Variants in F3 observed in about 807,000 individuals in gnomAD.
The protein encoded by F3 is coagulation factor III, tissue factor.
F3 carries 18 observed loss-of-function variants against 33.5 expected under a neutral mutation model. That is an observed-to-expected ratio of 0.54 (90% CI 0.37 to 0.80). The LOEUF is 0.80. Among genes scored for constraint, F3 ranks in the 30% least tolerant of loss-of-function variants. F3 has a pLI of 0.00. For missense variants in F3, 353 were observed against 362.1 expected, an observed-to-expected ratio of 0.97 and a Z score of 0.20; for synonymous variants, 147 against 140.7, an observed-to-expected ratio of 1.05 and a Z score of -0.32.
Position 94,541,748 on chromosome 1 carries a change from G to C in F3, c.-112C>G. 1 of 567,670 alleles carries C rather than the reference G, an allele frequency of 1.8e-6. No individual in the cohort carries two copies. The highest frequency in any genetic ancestry group is 2.7e-6 in the Non-Finnish European group (1 of 370,866). The allele number at this position is 567,670 out of a possible 1,614,324, so 35.2% of individuals were successfully genotyped here. On this transcript the variant is annotated 5_prime_UTR_variant, in exon 1 of 6. Coordinates refer to ENST00000334047, the MANE Select transcript of F3 (RefSeq NM_001993.5). ...GAGGGAGTGCGAGGGGGTGCGGGGA[G>C]CTCGCAGTCTTGGGGAGCCGGTGCC...
chr1:94,540,596 G>T lies in F3; in HGVS notation c.101-228C>A, dbSNP rs75288898. ...CCTTGTAATCCCAGGACACCGGCAAGGATCTTGACATTTTCGTTTGAAATT... is the reference window on the plus strand; with the variant it reads ...CCTTGTAATCCCAGGACACCGGCAATGATCTTGACATTTTCGTTTGAAATT... On this transcript the variant is annotated intron_variant, in intron 1 of 5. Coordinates refer to ENST00000334047, the MANE Select transcript of F3 (RefSeq NM_001993.5). 6.9e-3 allele frequency: 3,182 copies of T among 463,880 alleles called. 18 individuals are homozygous for T. Among genetic ancestry groups the T allele is most frequent in the Non-Finnish European group, 0.011 (2,754 of 261,908 alleles). 28.7% of individuals were successfully genotyped at this position (463,880 alleles called of 1,614,324 possible).
rs1651791208 is a variant in F3, at chr1:94,541,640, T to C, written c.-4A>G. The C allele has an allele frequency of 7.1e-7, 1 of 1,400,528 alleles. No homozygotes were observed. Among genetic ancestry groups the C allele is most frequent in the African/African-American group, 1.5e-5 (1 of 67,044 alleles). The allele number at this position is 1,400,528 out of a possible 1,614,324, so 86.8% of individuals were successfully genotyped here. On this transcript the variant is annotated 5_prime_UTR_variant, in exon 1 of 6. Coordinates refer to ENST00000334047, the MANE Select transcript of F3 (RefSeq NM_001993.5). ...GGGGCCAGGCAGGGGTCTCCATGTC[T>C]ACCAGTTGGCGGCGAGATCGAGCGG...
rs1651382519 is a variant in F3 at position 94,530,374 on chromosome 1, A to G, written c.*86T>C. ...AGGGTCTTCATGCTCCGAAATACTC[A>G]TTTGCGTTTCCATGTATTCTATCCT... On this transcript the variant is annotated 3_prime_UTR_variant, in exon 6 of 6. Transcript: ENST00000334047. 1.9e-6 allele frequency: 3 copies of G among 1,551,472 alleles called. No homozygotes were observed.
At chr1:94,535,743 G>A (rs1363475762) in intron 3 of F3, among the ~76,000 whole-genome samples, 1 of 152,108 alleles carries the variant, frequency 6.6e-6, no homozygotes, top group African/African-American at 2.4e-5. Context: ...GGGACAGACT[G>A]GGGGAGAAAG....
At chr1:94,536,423 C>T (rs976234250) in intron 2 of F3, among the ~76,000 whole-genome samples, 1 of 152,096 alleles carries the variant, frequency 6.6e-6, no homozygotes, top group East Asian at 1.9e-4. Flanking sequence ...AGCCATCATA[C>T]CTAGCAACAC....
chr1:94,533,964 T>C (rs2794470), intron 3 of F3, among the ~76,000 whole-genome samples: 53,813 of 151,846 alleles, frequency 0.35, 11,294 homozygotes, highest in Middle Eastern at 0.57. Flanking sequence ...CCACCTGGGT[T>C]GAAGTGATTC....
intron 3 of F3, among the ~76,000 whole-genome samples, chr1:94,534,223 A>G (rs1364367303): frequency 6.6e-6 from 1 of 152,174 alleles, no homozygotes; most frequent in Non-Finnish European, 1.5e-5. Context: ...ACTTTATTGT[A>G]AGAATACAGT....
At chr1:94,536,673 A>G (rs1289834245) in intron 2 of F3, among the ~76,000 whole-genome samples, 1 of 152,146 alleles carries the variant, frequency 6.6e-6, no homozygotes, top group African/African-American at 2.4e-5. Context: ...GGAGAGAAAG[A>G]GCAGTTTTCC....
In F3 at chr1:94,536,131, A is replaced by T. The variant is rs1651599096; in HGVS notation, c.246T>A (p.Phe82Leu). 5 of 1,614,008 alleles carry T rather than the reference A, an allele frequency of 3.1e-6. No homozygotes were observed. The highest frequency in any genetic ancestry group is 4.2e-6 in the Non-Finnish European group (5 of 1,180,018). ...GGTCACACTCTGTGTCTGTTGTGTA[A>T]AAGCATTTGCTTTTCCAATCTCCTG... Reference protein sequence around the residue: ...TKSGDWKSKCFYTTDTECDLT... With the variant: ...TKSGDWKSKCLYTTDTECDLT... The change falls in exon 3 of 6, where the codon TTT (phenylalanine) becomes TTA (leucine). Residue 82 changes from phenylalanine (F) to leucine (L), a missense_variant. Physicochemically the swap from Phe to Leu is conservative, Grantham distance 22 (BLOSUM62 0). Coordinates refer to ENST00000334047, the MANE Select transcript of F3 (RefSeq NM_001993.5).
At position 94,536,105 on chromosome 1, in the gene F3, A is replaced by G; in HGVS notation, c.272T>C (p.Leu91Pro). The change falls in exon 3 of 6, where the codon CTC becomes CCC. Residue 91 changes from leucine (L) to proline (P), a missense_variant. Leu to Pro is a moderately conservative substitution (Grantham distance 98, BLOSUM62 -3). Transcript: ENST00000334047. ...CFYTTDTECD[L>P]TDEIVKDVKQ... ...CACATCCTTCACAATCTCGTCGGTG[A>G]GGTCACACTCTGTGTCTGTTGTGTA... 1 of 1,614,192 alleles carries G rather than the reference A, an allele frequency of 6.2e-7. No individual in the cohort carries two copies. The highest frequency in any genetic ancestry group is 8.5e-7 in the Non-Finnish European group (1 of 1,180,034).
intron 2 of F3, among the ~76,000 whole-genome samples, chr1:94,537,904 T>C (rs544754539): frequency 6.6e-6 from 1 of 152,294 alleles, no homozygotes; most frequent in Admixed American, 6.5e-5. Context: ...GTACAGCAAA[T>C]AGTTGTTCAG....
intron 3 of F3, among the ~76,000 whole-genome samples, chr1:94,533,995 T>C (rs944629569): frequency 2.6e-5 from 4 of 152,046 alleles, no homozygotes; most frequent in African/African-American, 9.7e-5. Flanking sequence ...GCCTCCCAAG[T>C]AGCTGGGATT....
At chr1:94,538,328 C>T (rs1651671853) in intron 2 of F3, among the ~76,000 whole-genome samples, 1 of 152,218 alleles carries the variant, frequency 6.6e-6, no homozygotes, top group African/African-American at 2.4e-5. Context: ...TAACATTTCC[C>T]AACCACCACT....
rs774644424 is a variant in F3 at position 94,532,492 on chromosome 1, T to TA, written c.592-13dup. The stretch of plus-strand genomic sequence containing the variant: ...GTTTTGGCTGTTTTCTGTAAAAAGA[T>TA]AGAGTTCTTAATTCATCTGGGCTCT... On this transcript the variant is annotated splice_polypyrimidine_tract_variant and intron_variant, in intron 4 of 5. Transcript: ENST00000334047. The TA allele has an allele frequency of 6.2e-7, 1 of 1,613,512 alleles. No homozygotes were observed. Among genetic ancestry groups the TA allele is most frequent in the Non-Finnish European group, 8.5e-7 (1 of 1,179,726 alleles).
chr1:94,534,467 G>A (rs1456671744), intron 3 of F3, among the ~76,000 whole-genome samples: 1 of 152,104 alleles, frequency 6.6e-6, no homozygotes. Flanking sequence ...ATATAAAAAA[G>A]TTTTGAGATA....
chr1:94,532,365 T>TCTGTACTCTTCCGGTTAA lies in F3; in HGVS notation c.689_706dup (p.Val230_Thr235dup). 6.2e-7 allele frequency: 1 copy of TCTGTACTCTTCCGGTTAA among 1,614,204 alleles called. No homozygotes were observed. Among genetic ancestry groups the TCTGTACTCTTCCGGTTAA allele is most frequent in the Non-Finnish European group, 8.5e-7 (1 of 1,180,036 alleles). Reference sequence around the variant, plus strand: ...CTGGCCCATACACTCTACCGGGCTGTCTGTACTCTTCCGGTTAACTGTTCG... The same window carrying TCTGTACTCTTCCGGTTAA: ...CTGGCCCATACACTCTACCGGGCTGTCTGTACTCTTCCGGTTAACTGTACTCTTCCGGTTAACTGTTCG... On this transcript the variant is annotated inframe_insertion, in exon 5 of 6. Transcript: ENST00000334047.
intron 3 of F3, 89 bp from the exon 4 acceptor site, chr1:94,533,357 A>C (rs1036701463): frequency 9.6e-6 from 14 of 1,463,614 alleles, no homozygotes; most frequent in Non-Finnish European, 1.2e-5. Flanking sequence ...CAACTTAATT[A>C]TCTCTCATAT....
chr1:94,540,225 A>T, intron 2 of F3, 32 bp downstream of exon 2: 1 of 1,359,840 alleles, frequency 7.4e-7, no homozygotes, highest in Non-Finnish European at 1.1e-6. Context: ...AACATCAAAG[A>T]CCTTAATTTT....
chr1:94,530,531 A>ATCATC lies in F3; in HGVS notation c.816_817insGATGA (p.Ser273AspfsTer22). 6.2e-7 allele frequency: 1 copy of ATCATC among 1,614,106 alleles called. No homozygotes were observed. Among genetic ancestry groups the ATCATC allele is most frequent in the Non-Finnish European group, 8.5e-7 (1 of 1,180,028 alleles). ...CCTGCCTTTCTACACTTGTGTAGAGATATAGCCAGGATGATGACAAGGATG... is the reference window on the plus strand; with the variant it reads ...CCTGCCTTTCTACACTTGTGTAGAGATCATCTATAGCCAGGATGATGACAAGGATG... On this transcript the variant is annotated frameshift_variant, in exon 6 of 6. Transcript: ENST00000334047. LOFTEE classifies it high-confidence loss of function.
Sources: allele counts gnomAD v4.1 joint callset (sites outside exome capture counted in the v4.1 genomes callset), GRCh38; gene constraint gnomAD v4.1.1; transcripts MANE v1.5; gene names NCBI Gene and HGNC (gene_info 2026-07-23, HGNC 2026-07-21).